The following ZIM3 variants were observed in gnomAD, a reference collection of about 807,000 sequenced individuals.
ZIM3 encodes the protein zinc finger protein 657.
Under a neutral mutation model 12.9 loss-of-function variants are expected in ZIM3, and 11 were observed. The observed-to-expected ratio is 0.85, with a 90% CI of 0.54 to 1.41. ZIM3 has a LOEUF of 1.41. Ranked by LOEUF, ZIM3 falls within the 40% of genes most tolerant of loss-of-function variation. The pLI, the probability that ZIM3 is intolerant of heterozygous loss-of-function variation, is 0.00. For missense variants in ZIM3, 604 were observed against 557.2 expected (o/e 1.08, Z -0.85); for synonymous variants, 205 against 198.5 (o/e 1.03, Z -0.28).
chr19:57,135,003 T>C lies in ZIM3; in HGVS notation c.1334A>G (p.Lys445Arg), dbSNP rs928611831. 1.9e-6 allele frequency: 3 copies of C among 1,614,140 alleles called. No individual in the cohort carries two copies. Among genetic ancestry groups the C allele is most frequent in the Non-Finnish European group, 2.5e-6 (3 of 1,180,028 alleles). ...ACCGCATTCAGAACATCCATAAGGT[T>C]TTTGTCCAGTATGGGTTTTTTTATG... is the stretch of plus-strand genomic sequence containing the variant. ...SLHKKTHTGQ[K>R]PYGCSECGKA... is the part of the protein sequence containing the mutation. Residue 445 changes from lysine (K) to arginine (R), a missense_variant, in exon 5 of 5, where the codon AAA (lysine) becomes AGA (arginine). Physicochemically the swap from Lys to Arg is conservative, Grantham distance 26. Coordinates refer to ENST00000269834, the MANE Select transcript of ZIM3 (RefSeq NM_052882.1).
At chr19:57,137,285 G>C (rs1317895783) in intron 3 of ZIM3, among the ~76,000 whole-genome samples, 1 of 152,110 alleles carries the variant, frequency 6.6e-6, no homozygotes, top group Non-Finnish European at 1.5e-5. Context: ...AGGAATTTGA[G>C]ACCAACATGT....
rs746526731 is a variant in ZIM3 at position 57,136,004 on chromosome 19, C to T, written c.333G>A (p.Thr111=). ...ATTCTACACCTTTCTGCGTAGTCAG[C>T]GTTTCCTTATTGATTGATGGGACTT... ...AREVPSINKE[T]LTTQKGVECD... Residue 111 remains threonine (T), a synonymous_variant, in exon 5 of 5, where the codon ACG becomes ACA. Transcript: ENST00000269834. 5.6e-6 allele frequency: 9 copies of T among 1,614,030 alleles called. No individual in the cohort carries two copies. Among genetic ancestry groups the T allele is most frequent in the Non-Finnish European group, 6.8e-6 (8 of 1,180,038 alleles).
At chr19:57,137,307 T>C (rs2086891332) in intron 3 of ZIM3, among the ~76,000 whole-genome samples, 1 of 152,004 alleles carries the variant, frequency 6.6e-6, no homozygotes, top group Non-Finnish European at 1.5e-5. Context: ...ACATGTAACA[T>C]GAAGATAGCA....
At chr19:57,139,334 AAAAAAGAAAAAG>A (rs988799753) in intron 2 of ZIM3, among the ~76,000 whole-genome samples, 3 of 151,982 alleles carry the variant, frequency 2.0e-5, no homozygotes, top group Admixed American at 6.6e-5. Flanking sequence ...GTCTCAAGAA[AAAAAAGAAAAAG>A]AAAAAGAAAA....
At chr19:57,143,315 A>G (rs1470376733) in intron 1 of ZIM3, among the ~76,000 whole-genome samples, 1 of 149,688 alleles carries the variant, frequency 6.7e-6, no homozygotes, top group Non-Finnish European at 1.5e-5. Context: ...TGGGCGACAG[A>G]GCGAGACTCC....
At position 57,135,943 on chromosome 19, in the gene ZIM3, C is replaced by T; in HGVS notation, c.394G>A (p.Asp132Asn). The T allele has an allele frequency of 6.2e-7, 1 of 1,614,144 alleles. No homozygotes were observed. Among genetic ancestry groups the T allele is most frequent in the Non-Finnish European group, 8.5e-7 (1 of 1,180,036 alleles). ...GSKKILPLGI[D>N]DVSSLQHYVQ... ...TAGTGTTGCAAGGAAGATACATCAT[C>T]TATGCCCAGTGGAAGTATTTTCTTA... The change falls in exon 5 of 5, where the codon GAT (aspartate) becomes AAT (asparagine). Residue 132 changes from aspartate to asparagine, a missense_variant. Transcript: ENST00000269834.
intron 4 of ZIM3, among the ~76,000 whole-genome samples, chr19:57,136,313 AGT>A (rs1237564120): frequency 3.3e-5 from 5 of 152,118 alleles, no homozygotes; most frequent in Non-Finnish European, 7.3e-5. Context: ...ACGTAGACCT[AGT>A]GCACAGGGAG....
rs2086930886 is a variant in ZIM3, at chr19:57,144,973, G to A, written c.-157C>T. 1 of 152,116 alleles carries A rather than the reference G, an allele frequency of 6.6e-6. No homozygotes were observed. The highest frequency in any genetic ancestry group is 2.1e-4 in the South Asian group (1 of 4,820). The allele number at this position is 152,116 out of a possible 1,614,324, so 9.4% of individuals were successfully genotyped here. On this transcript the variant is annotated 5_prime_UTR_variant, in exon 1 of 5. Coordinates refer to ENST00000269834, the MANE Select transcript of ZIM3 (RefSeq NM_052882.1). ...GTGTATACTGAAAAGCTACACTAAT[G>A]ACTAAAACTTAATCGGCCCTCTACC... is the stretch of plus-strand genomic sequence containing the variant.
At chr19:57,141,281 A>G (rs2086912392) in intron 2 of ZIM3, among the ~76,000 whole-genome samples, 3 of 151,792 alleles carry the variant, frequency 2.0e-5, no homozygotes, top group South Asian at 4.2e-4. Flanking sequence ...TGCGCCTGTA[A>G]TCCCAGCTGC....
At chr19:57,139,768 CT>C (rs1478209315) in intron 2 of ZIM3, among the ~76,000 whole-genome samples, 1 of 152,124 alleles carries the variant, frequency 6.6e-6, no homozygotes, top group African/African-American at 2.4e-5. Context: ...CAATAGCCCC[CT>C]AATTCTTCCA....
At position 57,135,205 on chromosome 19, in the gene ZIM3, G is replaced by A. The variant is rs267605724; in HGVS notation, c.1132C>T (p.Leu378Phe). 6 of 1,613,546 alleles carry A rather than the reference G, an allele frequency of 3.7e-6. No individual in the cohort carries two copies. The highest frequency in any genetic ancestry group is 2.7e-5 in the African/African-American group (2 of 74,808). ...GTATGGATTTTTTTATGTTGAATGA[G>A]GTTTTTCTTCTGGATAAAGGTATTT... ...CGNTFIQKKN[L>F]IQHKKIHTGE... is the part of the protein sequence containing the mutation. Residue 378 changes from leucine to phenylalanine, a missense_variant, in exon 5 of 5, where the codon CTC (leucine) becomes TTC (phenylalanine). Leu to Phe is a conservative substitution (Grantham distance 22, BLOSUM62 0). Coordinates refer to ENST00000269834, the MANE Select transcript of ZIM3 (RefSeq NM_052882.1).
Position 57,135,133 on chromosome 19 carries a change from G to A in ZIM3, c.1204C>T (p.Gln402Ter), listed in dbSNP as rs748899374. 72 of 1,614,020 alleles carry A rather than the reference G, an allele frequency of 4.5e-5. No homozygotes were observed. In the South Asian group the frequency reaches 7.7e-4, roughly 17 times the overall value. The change falls in exon 5 of 5, where the codon CAG (glutamine) becomes TAG (stop). Residue 402 changes from glutamine to a stop codon, truncating the protein, a stop_gained. Coordinates refer to ENST00000269834, the MANE Select transcript of ZIM3 (RefSeq NM_052882.1). LOFTEE classifies it low-confidence loss of function (END_TRUNC). ...ECNRCGKAFF[Q>*]KSNLHSHQKT... ...TGATGGCTATGAAGGTTTGACTTCT[G>A]AAAGAAGGCTTTTCCACATCTGTTA...
rs1180346157 is a variant in ZIM3, at chr19:57,135,279, T to A, written c.1058A>T (p.His353Leu). 6.2e-7 allele frequency: 1 copy of A among 1,614,156 alleles called. No individual in the cohort carries two copies. Among genetic ancestry groups the A allele is most frequent in the Non-Finnish European group, 8.5e-7 (1 of 1,180,026 alleles). The change falls in exon 5 of 5, where the codon CAT becomes CTT. Residue 353 changes from histidine to leucine, a missense_variant. His to Leu is a moderately conservative substitution (Grantham distance 99). Coordinates refer to ENST00000269834, the MANE Select transcript of ZIM3 (RefSeq NM_052882.1). ...AFSQKSNVID[H>L]EKIHTGKRAY... Reference sequence around the variant, plus strand: ...TCTCTTCCCAGTGTGAATTTTCTCATGATCGATGACATTGGATTTCTGGGA... The same window carrying A: ...TCTCTTCCCAGTGTGAATTTTCTCAAGATCGATGACATTGGATTTCTGGGA...
intron 1 of ZIM3, among the ~76,000 whole-genome samples, chr19:57,143,758 C>T (rs1256671271): frequency 2.0e-5 from 3 of 150,576 alleles, no homozygotes; most frequent in African/African-American, 2.4e-5. Context: ...TCACTGCAAC[C>T]TCTGCCTCCC....
At chr19:57,136,618 C>T (rs567296061) in intron 4 of ZIM3, among the ~76,000 whole-genome samples, 31 of 148,784 alleles carry the variant, frequency 2.1e-4, no homozygotes, top group African/African-American at 7.5e-4. Flanking sequence ...GAGCCCAGAT[C>T]GCGCCACTGC....
In ZIM3 at chr19:57,136,101, A is replaced by C. The variant is rs773311720; in HGVS notation, c.242-6T>G. On this transcript the variant is annotated splice_region_variant and splice_polypyrimidine_tract_variant and intron_variant, in intron 4 of 4. Coordinates refer to ENST00000269834, the MANE Select transcript of ZIM3 (RefSeq NM_052882.1). ...TCCAATGTCCCCATTTTTTTCTAAAATGGAATACAAAAAAATGTCCTGTGT... is the reference window on the plus strand; with the variant it reads ...TCCAATGTCCCCATTTTTTTCTAAACTGGAATACAAAAAAATGTCCTGTGT... 2 of 1,596,716 alleles carry C rather than the reference A, an allele frequency of 1.3e-6. No individual in the cohort carries two copies. Among genetic ancestry groups the C allele is most frequent in the East Asian group, 4.5e-5 (2 of 44,732 alleles).
At position 57,134,883 on chromosome 19, in the gene ZIM3, A is replaced by G. The variant is rs376144021; in HGVS notation, c.*35T>C. On this transcript the variant is annotated 3_prime_UTR_variant, in exon 5 of 5. Coordinates refer to ENST00000269834, the MANE Select transcript of ZIM3 (RefSeq NM_052882.1). ...TCTGGGGTGACAATTCCAGGCAACC[A>G]TATCTTCCCATGTTTTTTTAAGTGC... The G allele has an allele frequency of 7.4e-4, 1,154 of 1,558,050 alleles. 18 individuals carry two copies. In the South Asian group the frequency reaches 0.013, roughly 18 times the overall value.
At chr19:57,141,869 T>C (rs1464397480) in intron 2 of ZIM3, among the ~76,000 whole-genome samples, 1 of 151,400 alleles carries the variant, frequency 6.6e-6, no homozygotes, top group African/African-American at 2.4e-5. Flanking sequence ...AAAAATCAAC[T>C]GAAACTCACC....
intron 2 of ZIM3, among the ~76,000 whole-genome samples, chr19:57,139,882 G>C (rs2086906033): frequency 6.6e-6 from 1 of 152,088 alleles, no homozygotes; most frequent in African/African-American, 2.4e-5. Flanking sequence ...GGAGAAACAG[G>C]TGACACCTGT....
Sources: allele counts gnomAD v4.1 joint callset (sites outside exome capture counted in the v4.1 genomes callset), GRCh38; gene constraint gnomAD v4.1.1; transcripts MANE v1.5; gene names NCBI Gene and HGNC (gene_info 2026-07-23, HGNC 2026-07-21).